The following NEB variants were observed in gnomAD, a reference collection of about 807,000 sequenced individuals.
NEB encodes nemaline myopathy type 2.
In NEB, 512 loss-of-function variants were observed where a neutral mutation model predicts 952.2. That is an observed-to-expected ratio of 0.54 (90% CI 0.50 to 0.58). NEB has a LOEUF of 0.58. Ranked by LOEUF, NEB falls within the 20% of genes least tolerant of loss-of-function variation. NEB has a pLI of 0.00. For missense variants in NEB, 8,428 were observed against 9,231.1 expected, an observed-to-expected ratio of 0.91 and a Z score of 3.56; for synonymous variants, 2,900 against 3,149.8, an observed-to-expected ratio of 0.92 and a Z score of 2.66.
chr2:151,639,037 T>C (rs1326965516), intron 63 of NEB, among the ~76,000 whole-genome samples: 2 of 152,054 alleles, frequency 1.3e-5, no homozygotes, highest in Non-Finnish European at 2.9e-5. Context: ...TAAAAGAAAA[T>C]GGTCTACATA....
intron 27 of NEB, among the ~76,000 whole-genome samples, chr2:151,686,386 C>A (rs2099498552): frequency 2.0e-5 from 3 of 152,092 alleles, no homozygotes. Context: ...TTATTATGTG[C>A]CTACTGCTGG....
In NEB at chr2:151,642,699, A is replaced by T. The variant is rs756093933; in HGVS notation, c.8266-18T>A. On this transcript the variant is annotated intron_variant, in intron 59 of 181. Transcript: ENST00000397345. ...TACAATTTCTAAAATAGACATTAAT[A>T]GTAAGTTGGATTTATAAAGTGCATT... is the stretch of plus-strand genomic sequence containing the variant. 2 of 1,611,330 alleles carry T rather than the reference A, an allele frequency of 1.2e-6. No homozygotes were observed. Among genetic ancestry groups the T allele is most frequent in the Middle Eastern group, 1.7e-4 (1 of 6,056 alleles).
chr2:151,564,994 AAGAGCTTCAAATTAGAAATT>A, intron 117 of NEB, 30 bp downstream of exon 117: 1 of 1,128,186 alleles, frequency 8.9e-7, no homozygotes. Flanking sequence ...TGAATGCAAC[AAGAGCTTCAAATTAGAAATT>A]GAGTGGTTAT....
intron 10 of NEB, 34 bp from the exon 11 acceptor site, chr2:151,710,572 A>G (rs1192802166): frequency 3.0e-6 from 4 of 1,341,074 alleles, no homozygotes; most frequent in Middle Eastern, 1.8e-4. Flanking sequence ...AGACAAGCAT[A>G]ACTCATGAAT....
At chr2:151,543,734 G>A (rs2094381719) in intron 135 of NEB, among the ~76,000 whole-genome samples, 1 of 152,074 alleles carries the variant, frequency 6.6e-6, no homozygotes, top group African/African-American at 2.4e-5. Context: ...TGATCCTCTG[G>A]TCTCAGCCTC....
intron 64 of NEB, among the ~76,000 whole-genome samples, 179 bp downstream of exon 64, chr2:151,636,048 G>A (rs1339687477): frequency 6.6e-6 from 1 of 152,150 alleles, no homozygotes; most frequent in Non-Finnish European, 1.5e-5. Flanking sequence ...GTAGGTTACA[G>A]ATCCCTCTTA....
Position 151,672,659 on chromosome 2 carries a change from C to A in NEB, c.4009G>T (p.Glu1337Ter). Residue 1337 changes from glutamate (E) to a stop codon, truncating the protein, a stop_gained, in exon 37 of 182, where the codon GAG becomes TAG. Transcript: ENST00000397345. LOFTEE classifies it high-confidence loss of function. ...CCCACATGCTTTCCCTTTGACTTCT[C>A]ATAAGCTTCCTTGTATTTATACTGT... ...ASDYKYKEAY[E>*]KSKGKHVGFR... 1 of 1,613,494 alleles carries A rather than the reference C, an allele frequency of 6.2e-7. No individual in the cohort carries two copies. The highest frequency in any genetic ancestry group is 1.1e-5 in the South Asian group (1 of 91,044).
At chr2:151,561,143 T>C (rs2096014796) in intron 122 of NEB, 35 bp from the exon 123 acceptor site, 1 of 1,569,054 alleles carries the variant, frequency 6.4e-7, no homozygotes, top group Admixed American at 1.7e-5. Context: ...TTCACCTCTG[T>C]TGTTAGAAAA....
chr2:151,639,934 C>G lies in NEB; in HGVS notation c.8812G>C (p.Asp2938His), dbSNP rs2098826732. 2 of 1,613,892 alleles carry G rather than the reference C, an allele frequency of 1.2e-6. No individual in the cohort carries two copies. The highest frequency in any genetic ancestry group is 1.7e-6 in the Non-Finnish European group (2 of 1,179,880). The change falls in exon 62 of 182, where the codon GAC (aspartate) becomes CAC (histidine). Residue 2938 changes from aspartate to histidine, a missense_variant. Asp to His is a moderately conservative substitution (Grantham distance 81). Around this residue, in one of 11 missense-constraint regions of NEB, gnomAD observed 1,772 missense variants for 1,960.3 expected, o/e 0.90. Coordinates refer to ENST00000397345, the MANE Select transcript of NEB (RefSeq NM_001164508.2). ...LSDKIYRQPP[D>H]RFKFTSVTDS... ...GTCACACTGGTAAATTTGAATCTGT[C>G]TGGAGGCTGGCGATAGATTTTATCA... is the stretch of plus-strand genomic sequence containing the variant.
chr2:151,552,876 A>G lies in NEB; in HGVS notation c.19732-100T>C. 1.5e-5 allele frequency: 12 copies of G among 782,914 alleles called. No individual in the cohort carries two copies. In the South Asian group the frequency reaches 1.9e-4, roughly 12 times the overall value. 48.5% of individuals were successfully genotyped at this position (782,914 alleles called of 1,614,324 possible). A position where few individuals can be genotyped will look rare whatever the true frequency, so the allele number is the denominator to read the frequency against. ...TGGTTGCTTTTAACTCATGAGATTT[A>G]TATTCATCAGCACTACTCAACAGAC... On this transcript the variant is annotated intron_variant, in intron 127 of 181. Coordinates refer to ENST00000397345, the MANE Select transcript of NEB (RefSeq NM_001164508.2).
chr2:151,670,698 G>A (rs1265433069), intron 38 of NEB, among the ~76,000 whole-genome samples: 1 of 152,182 alleles, frequency 6.6e-6, no homozygotes, highest in Non-Finnish European at 1.5e-5. Context: ...TAAATAGCTT[G>A]TTTTGCAATT....
rs975397268 is a variant in NEB, at chr2:151,502,832, C to G, written c.23889G>C (p.Glu7963Asp). The G allele has an allele frequency of 1.9e-6, 3 of 1,607,986 alleles. No individual in the cohort carries two copies. The highest frequency in any genetic ancestry group is 2.5e-6 in the Non-Finnish European group (3 of 1,177,450). ...GKGIPTPITP[E>D]MERVKRNQEN... ...CTTGATTGCGTTTGACTCTCTCCAT[C>G]TCTGGAGTGATAGGTGTTGGGATTC... is the stretch of plus-strand genomic sequence containing the variant. The change falls in exon 167 of 182, where the codon GAG (glutamate) becomes GAC (aspartate). Residue 7963 changes from glutamate (E) to aspartate (D), a missense_variant. Glu to Asp is a conservative substitution (Grantham distance 45). Around this residue, in one of 11 missense-constraint regions of NEB, gnomAD observed 3,374 missense variants for 3,651.5 expected, o/e 0.92. Transcript: ENST00000397345.
intron 47 of NEB, 34 bp downstream of exon 47, chr2:151,659,031 A>G (rs1482225175): frequency 7.2e-7 from 1 of 1,388,474 alleles, no homozygotes; most frequent in Non-Finnish European, 1.0e-6. Context: ...AATCTGCTGG[A>G]GAGAAAGATG....
intron 124 of NEB, among the ~76,000 whole-genome samples, chr2:151,558,724 T>C (rs2095828904): frequency 6.6e-6 from 1 of 152,156 alleles, no homozygotes; most frequent in African/African-American, 2.4e-5. Context: ...TAATGAATGG[T>C]GCTGGGAAAA....
intron 17 of NEB, 77 bp downstream of exon 17, chr2:151,696,560 G>C: frequency 9.1e-7 from 1 of 1,102,552 alleles, no homozygotes; most frequent in South Asian, 1.4e-5. Context: ...AACTTGATAA[G>C]TCATTGGATT....
chr2:151,711,861 T>C (rs994061967), intron 10 of NEB, among the ~76,000 whole-genome samples: 12 of 152,126 alleles, frequency 7.9e-5, no homozygotes. Context: ...AGAAAGAAAA[T>C]TGTATGTGCG....
chr2:151,567,175 T>C lies in NEB; in HGVS notation c.18149A>G (p.Gln6050Arg). 1.3e-6 allele frequency: 2 copies of C among 1,599,382 alleles called. No individual in the cohort carries two copies. Among genetic ancestry groups the C allele is most frequent in the Non-Finnish European group, 1.7e-6 (2 of 1,171,278 alleles). ...VIQARKAYDLQSDNVYRADLE... is the reference protein window; with the variant it reads ...VIQARKAYDLRSDNVYRADLE... ...GAAACAAAAATCACTTACATCACTC[T>C]GTAGGTCATAGGCCTTTCTTGCCTG... Residue 6050 changes from glutamine to arginine, a missense_variant, in exon 114 of 182, where the codon CAG (glutamine) becomes CGG (arginine). Physicochemically the swap from Gln to Arg is conservative, Grantham distance 43. Coordinates refer to ENST00000397345, the MANE Select transcript of NEB (RefSeq NM_001164508.2).
At chr2:151,498,465 A>G in intron 169 of NEB, 113 bp from the exon 170 acceptor site, 1 of 699,132 alleles carries the variant, frequency 1.4e-6, no homozygotes, top group Non-Finnish European at 2.4e-6. Context: ...AGAGGAAGAG[A>G]AATACCAGAA....
At chr2:151,552,922 T>C in intron 127 of NEB, 146 bp from the exon 128 acceptor site, 1 of 614,708 alleles carries the variant, frequency 1.6e-6, no homozygotes, top group East Asian at 2.9e-5. Context: ...TTGAATTTTA[T>C]AACAGTGTAA....
Sources: gnomAD v4.1 joint callset for allele counts (sites outside exome capture counted in the v4.1 genomes callset) on GRCh38, gnomAD v4.1.1 for gene constraint, gnomAD v4.1.1 regional missense constraint, MANE v1.5 for transcripts, NCBI Gene and HGNC (gene_info 2026-07-23, HGNC 2026-07-21) for gene names.